CNTNAP4: variants seen among roughly 807,000 people sequenced by gnomAD.
The protein encoded by CNTNAP4 is contactin-associated protein-like 4.
In CNTNAP4, 98 loss-of-function variants were observed where a neutral mutation model predicts 148.4. The observed-to-expected ratio is 0.66, with a 90% CI of 0.56 to 0.78. The LOEUF (loss-of-function observed/expected upper bound fraction) is 0.78. Among genes scored for constraint, CNTNAP4 ranks in the 30% least tolerant of loss-of-function variants. CNTNAP4 has a pLI of 0.00. For missense variants in CNTNAP4, 1,935 were observed against 1,565.6 expected, an observed-to-expected ratio of 1.24 and a Z score of -3.98; for synonymous variants, 730 against 565.1, an observed-to-expected ratio of 1.29 and a Z score of -4.14.
intron 15 of CNTNAP4, among the ~76,000 whole-genome samples, chr16:76,500,149 C>A (rs1454049146): frequency 6.6e-6 from 1 of 152,106 alleles, no homozygotes; most frequent in East Asian, 1.9e-4. Flanking sequence ...CAGAGGTGCC[C>A]CCCACCTCCC....
chr16:76,399,299 A>T (rs1223323944), intron 3 of CNTNAP4, among the ~76,000 whole-genome samples: 1 of 152,212 alleles, frequency 6.6e-6, no homozygotes, highest in African/African-American at 2.4e-5. Flanking sequence ...AAAATGAAGA[A>T]AAATTAAGTA....
intron 2 of CNTNAP4, among the ~76,000 whole-genome samples, chr16:76,319,519 C>A (rs1481965907): frequency 6.6e-6 from 1 of 152,064 alleles, no homozygotes; most frequent in Middle Eastern, 3.2e-3. Context: ...AGATTGAAAT[C>A]CTAACCCAAA....
At chr16:76,383,735 C>T (rs2016231409) in intron 3 of CNTNAP4, among the ~76,000 whole-genome samples, 1 of 152,074 alleles carries the variant, frequency 6.6e-6, no homozygotes, top group African/African-American at 2.4e-5. Flanking sequence ...TTTAAAGATA[C>T]ACTTTGAGAT....
intron 1 of CNTNAP4, among the ~76,000 whole-genome samples, chr16:76,286,826 T>A: frequency 6.6e-6 from 1 of 152,302 alleles, no homozygotes; most frequent in East Asian, 1.9e-4. Context: ...AATTAAGGAT[T>A]TATAATACAT....
intron 21 of CNTNAP4, among the ~76,000 whole-genome samples, chr16:76,548,146 C>G (rs2084812475): frequency 6.6e-6 from 1 of 152,150 alleles, no homozygotes; most frequent in Non-Finnish European, 1.5e-5. Flanking sequence ...TTATGATAAA[C>G]TGCCTCTTTA....
intron 1 of CNTNAP4, among the ~76,000 whole-genome samples, chr16:76,298,755 A>T (rs1158704150): frequency 6.6e-6 from 1 of 152,146 alleles, no homozygotes; most frequent in East Asian, 1.9e-4. Flanking sequence ...CCACATTCTT[A>T]TCAAGGGGCA....
intron 1 of CNTNAP4, among the ~76,000 whole-genome samples, chr16:76,306,067 G>A (rs760953160): frequency 1.8e-4 from 27 of 152,220 alleles, no homozygotes; most frequent in Non-Finnish European, 2.8e-4. Context: ...CCACTGGTGG[G>A]CACCTCGATT....
intron 9 of CNTNAP4, among the ~76,000 whole-genome samples, chr16:76,466,710 A>C (rs150682710): frequency 6.6e-6 from 1 of 152,190 alleles, no homozygotes; most frequent in Admixed American, 6.5e-5. Flanking sequence ...TGTTAGAAAA[A>C]AATCAATATA....
chr16:76,526,599 C>G (rs746568802), intron 17 of CNTNAP4, among the ~76,000 whole-genome samples: 1 of 152,116 alleles, frequency 6.6e-6, no homozygotes, highest in South Asian at 2.1e-4. Context: ...TACCACTTAT[C>G]TATGATAATA....
chr16:76,316,759 C>T (rs966429235), intron 2 of CNTNAP4, among the ~76,000 whole-genome samples: 2 of 152,146 alleles, frequency 1.3e-5, no homozygotes, highest in African/African-American at 4.8e-5. Context: ...TTTTATATAT[C>T]TTACTAAATA....
chr16:76,430,607 A>G (rs1333820156), intron 4 of CNTNAP4, among the ~76,000 whole-genome samples: 1 of 152,168 alleles, frequency 6.6e-6, no homozygotes. Flanking sequence ...TCCATGCCCA[A>G]CAAAGTAGGT....
intron 1 of CNTNAP4, among the ~76,000 whole-genome samples, chr16:76,306,001 T>G (rs1960440358): frequency 6.6e-6 from 1 of 152,208 alleles, no homozygotes; most frequent in Admixed American, 6.5e-5. Context: ...TATTCTAGTT[T>G]TTGGCTGCAT....
At chr16:76,304,508 AG>A (rs1483361958) in intron 1 of CNTNAP4, among the ~76,000 whole-genome samples, 1 of 152,172 alleles carries the variant, frequency 6.6e-6, no homozygotes, top group Non-Finnish European at 1.5e-5. Context: ...AGCATCCCCA[AG>A]GGCTCAAAAA....
intron 15 of CNTNAP4, among the ~76,000 whole-genome samples, chr16:76,503,111 AT>A (rs1369968457): frequency 1.3e-5 from 2 of 152,202 alleles, no homozygotes; most frequent in Non-Finnish European, 2.9e-5. Flanking sequence ...AACTTCCTCC[AT>A]GGCATAAAGG....
Position 76,277,739 on chromosome 16 carries a change from G to C in CNTNAP4, c.77G>C (p.Gly26Ala). 4 of 1,589,616 alleles carry C rather than the reference G, an allele frequency of 2.5e-6. No individual in the cohort carries two copies. Among genetic ancestry groups the C allele is most frequent in the Non-Finnish European group, 3.4e-6 (4 of 1,164,084 alleles). ...STQNWNRVEA[G>A]NSYDCDDPLV... ...CAAAATTGGAACAGAGTCGAAGCTG[G>C]GAATTCCTGTAAGTATACAGCAAAT... Residue 26 changes from glycine (G) to alanine (A), a missense_variant, in exon 1 of 24, where the codon GGG becomes GCG. Coordinates refer to ENST00000611870, the MANE Select transcript of CNTNAP4 (RefSeq NM_033401.5).
intron 15 of CNTNAP4, among the ~76,000 whole-genome samples, chr16:76,516,107 A>T (rs879727855): frequency 4.5e-5 from 2 of 43,978 alleles, no homozygotes; most frequent in East Asian, 8.2e-4. Context: ...CCCACCCCCC[A>T]ACAGGCCCCA....
chr16:76,351,373 A>T (rs2144457279), intron 2 of CNTNAP4, among the ~76,000 whole-genome samples: 1 of 152,308 alleles, frequency 6.6e-6, no homozygotes, highest in South Asian at 2.1e-4. Flanking sequence ...CAAAAAAAAA[A>T]AAAATTCTGC....
At position 76,538,167 on chromosome 16, in the gene CNTNAP4, A is replaced by T; in HGVS notation, c.3047A>T (p.Glu1016Val). ...TCATCCGTGATATACAATTTTCAAG[A>T]AAATTATCTTTTAAGTAAAAACTCC... is the stretch of plus-strand genomic sequence containing the variant. ...SGSSVIYNFQ[E>V]NYLLSKNSSS... Residue 1016 changes from glutamate (E) to valine (V), a missense_variant, in exon 19 of 24, where the codon GAA becomes GTA. Physicochemically the swap from Glu to Val is moderately radical, Grantham distance 121. Coordinates refer to ENST00000611870, the MANE Select transcript of CNTNAP4 (RefSeq NM_033401.5). 1 of 1,597,024 alleles carries T rather than the reference A, an allele frequency of 6.3e-7. No homozygotes were observed. Among genetic ancestry groups the T allele is most frequent in the East Asian group, 2.3e-5 (1 of 44,182 alleles).
At chr16:76,491,742 G>A (rs950071355) in intron 13 of CNTNAP4, among the ~76,000 whole-genome samples, 1 of 152,210 alleles carries the variant, frequency 6.6e-6, no homozygotes, top group African/African-American at 2.4e-5. Context: ...AGGTCATGCA[G>A]TATATGTCTT....
Sources: gnomAD v4.1 joint callset for allele counts (sites outside exome capture counted in the v4.1 genomes callset) on GRCh38, gnomAD v4.1.1 for gene constraint, MANE v1.5 for transcripts, NCBI Gene and HGNC (gene_info 2026-07-23, HGNC 2026-07-21) for gene names.